ATG2B: variants seen among roughly 807,000 people sequenced by gnomAD.
ATG2B encodes autophagy-related protein 2 homolog B.
A neutral mutation model predicts 241.3 loss-of-function variants in ATG2B; 121 were observed. The observed-to-expected ratio is 0.50, with a 90% CI of 0.43 to 0.58. ATG2B has a LOEUF of 0.58. Among genes scored for constraint, ATG2B ranks in the 20% least tolerant of loss-of-function variants. The pLI, the probability that ATG2B is intolerant of heterozygous loss-of-function variation, is 0.00. For synonymous variants in ATG2B, 858 were observed against 876.6 expected (o/e 0.98, Z 0.37); for missense variants, 2,306 against 2,491.6 (o/e 0.93, Z 1.59).
At chr14:96,340,487 T>C (rs1289436397) in intron 6 of ATG2B, among the ~76,000 whole-genome samples, 2 of 151,766 alleles carry the variant, frequency 1.3e-5, no homozygotes, top group Admixed American at 1.3e-4. Context: ...AGGCAGGAGC[T>C]AAAAAAGGGG....
chr14:96,361,038 C>G (rs1321898104), intron 1 of ATG2B, among the ~76,000 whole-genome samples: 1 of 151,258 alleles, frequency 6.6e-6, no homozygotes, highest in African/African-American at 2.4e-5. Flanking sequence ...TCCTAACCAT[C>G]AACACAGCAC....
rs1164628289 is a variant in ATG2B at position 96,326,015 on chromosome 14, T to C, written c.2164-93A>G. On this transcript the variant is annotated intron_variant, in intron 14 of 41. Transcript: ENST00000359933. ...AACATTACAATATGTATAATCACTA[T>C]CTCCCCATTTGGTATAATGCATTAA... 1.1e-5 allele frequency: 13 copies of C among 1,232,432 alleles called. 1 individual carries two copies. The highest frequency in any genetic ancestry group is 1.5e-5 in the African/African-American group (1 of 65,748). The allele number at this position is 1,232,432 out of a possible 1,614,324, so 76.3% of individuals were successfully genotyped here.
chr14:96,289,530 G>A lies in ATG2B; in HGVS notation c.6006+126C>T. On this transcript the variant is annotated intron_variant, in intron 41 of 41. Coordinates refer to ENST00000359933, the MANE Select transcript of ATG2B (RefSeq NM_018036.7). The surrounding 1 kb of genome is among the most constrained non-coding windows in gnomAD (Gnocchi z 4.3). The stretch of plus-strand genomic sequence containing the variant: ...ACACAGATATGGGCACATGTTATTA[G>A]TGGCAGTTGCCATTCTGCTCCCAGG... 7.9e-6 allele frequency: 9 copies of A among 1,138,216 alleles called. No homozygotes were observed. Among genetic ancestry groups the A allele is most frequent in the Non-Finnish European group, 1.1e-5 (9 of 793,260 alleles). The allele number at this position is 1,138,216 out of a possible 1,614,324, so 70.5% of individuals were successfully genotyped here. A position where few individuals can be genotyped will look rare whatever the true frequency, so the allele number is the denominator to read the frequency against.
At chr14:96,333,580 T>C (rs901531971) in intron 8 of ATG2B, 108 bp downstream of exon 8, 10 of 1,025,834 alleles carry the variant, frequency 9.7e-6, no homozygotes, top group Non-Finnish European at 1.3e-5. Context: ...AATGTGGATC[T>C]TTTTGTTCTT....
At position 96,284,663 on chromosome 14, in the gene ATG2B, A is replaced by T. The variant is rs568455939; in HGVS notation, c.*1092T>A. The T allele has an allele frequency of 6.6e-6, 1 of 152,286 alleles. No homozygotes were observed. Among genetic ancestry groups the T allele is most frequent in the South Asian group, 2.1e-4 (1 of 4,824 alleles). 9.4% of individuals were successfully genotyped at this position (152,286 alleles called of 1,614,324 possible). On this transcript the variant is annotated 3_prime_UTR_variant, in exon 42 of 42. Transcript: ENST00000359933. The stretch of plus-strand genomic sequence containing the variant: ...AAATCGATTTTGAGAAAGTGTTCCC[A>T]ATTATCTTGTGGTAAATCACAGTAC...
At chr14:96,313,652 G>A (rs188465402) in intron 23 of ATG2B, among the ~76,000 whole-genome samples, 111 of 151,188 alleles carry the variant, frequency 7.3e-4, no homozygotes, top group Admixed American at 1.9e-3. Flanking sequence ...GGATGTGTTC[G>A]TTTGACTACA....
At chr14:96,344,589 C>A in intron 4 of ATG2B, 65 bp downstream of exon 4, 1 of 845,700 alleles carries the variant, frequency 1.2e-6, no homozygotes, top group Non-Finnish European at 1.8e-6. Context: ...TCTCCAAAAC[C>A]TCCCTGAAAA....
rs1595290822 is a variant in ATG2B, at chr14:96,290,074, A to C, written c.5857-269T>G. The C allele has an allele frequency of 5.0e-6, 6 of 1,189,462 alleles. No individual in the cohort carries two copies. Among genetic ancestry groups the C allele is most frequent in the Admixed American group, 3.6e-5 (1 of 27,732 alleles). 73.7% of individuals were successfully genotyped at this position (1,189,462 alleles called of 1,614,324 possible). A position where few individuals can be genotyped will look rare whatever the true frequency, so the allele number is the denominator to read the frequency against. ...TGAGAACACTCAACATTTCCACATC[A>C]GTCTATGGAGCTTAATACTTACTAG... On this transcript the variant is annotated intron_variant, in intron 40 of 41. Coordinates refer to ENST00000359933, the MANE Select transcript of ATG2B (RefSeq NM_018036.7). The surrounding 1 kb of genome is among the most constrained non-coding windows in gnomAD (Gnocchi z 4.4).
Position 96,295,159 on chromosome 14 carries a change from A to G in ATG2B, c.5227T>C (p.Ser1743Pro). The G allele has an allele frequency of 6.2e-7, 1 of 1,613,516 alleles. No individual in the cohort carries two copies. Among genetic ancestry groups the G allele is most frequent in the Non-Finnish European group, 8.5e-7 (1 of 1,179,724 alleles). Residue 1743 changes from serine to proline, a missense_variant, in exon 36 of 42, where the codon TCT becomes CCT. By Grantham distance (74) the Ser-to-Pro change is moderately conservative. Coordinates refer to ENST00000359933, the MANE Select transcript of ATG2B (RefSeq NM_018036.7). ...CTGCAGGTGACATCAGCTCCAGGAG[A>G]CTTTTTAACTGAAAATGTAATGTGC... Reference protein sequence around the residue: ...QMTPDPEVKKSPGADVTCSLP... With the variant: ...QMTPDPEVKKPPGADVTCSLP...
rs1887732961 is a variant in ATG2B at position 96,331,534 on chromosome 14, T to C, written c.1572A>G (p.Leu524=). The C allele has an allele frequency of 1.9e-6, 3 of 1,614,078 alleles. No individual in the cohort carries two copies. Among genetic ancestry groups the C allele is most frequent in the South Asian group, 2.2e-5 (2 of 91,072 alleles). ...GGTTCTGTGACGTTTCAGGTGGAGATAAAGGATCAATGTGAAGCACAGAGA... is the reference window on the plus strand; with the variant it reads ...GGTTCTGTGACGTTTCAGGTGGAGACAAAGGATCAATGTGAAGCACAGAGA... ...FSISVLHIDP[L]SPPETSQNLN... The change falls in exon 11 of 42, where the codon TTA becomes TTG. Residue 524 remains leucine, a synonymous_variant. Coordinates refer to ENST00000359933, the MANE Select transcript of ATG2B (RefSeq NM_018036.7).
chr14:96,362,222 G>C (rs1888660546), intron 1 of ATG2B, among the ~76,000 whole-genome samples: 1 of 152,142 alleles, frequency 6.6e-6, no homozygotes, highest in South Asian at 2.1e-4. Context: ...ACTAGGGCCA[G>C]ACGACCATTC....
chr14:96,304,579 G>A lies in ATG2B; in HGVS notation c.4758C>T (p.His1586=), dbSNP rs547768104. ...TATTACGTCCATGTCTCGTGGGTGT[G>A]TGAGAAGGCGAACTGTGGGGACTAC... is the stretch of plus-strand genomic sequence containing the variant. The part of the protein sequence containing the change: ...SYISPHSSPS[H]TPTRHGRNTV... Residue 1586 remains histidine, a synonymous_variant, in exon 32 of 42, where the codon CAC becomes CAT. Transcript: ENST00000359933. 3.1e-6 allele frequency: 5 copies of A among 1,603,740 alleles called. No homozygotes were observed. The highest frequency in any genetic ancestry group is 3.4e-5 in the Admixed American group (2 of 59,558).
intron 12 of ATG2B, among the ~76,000 whole-genome samples, chr14:96,329,277 CTAATT>C (rs1887667161): frequency 2.0e-5 from 3 of 152,140 alleles, no homozygotes. Context: ...CAAGTCAACT[CTAATT>C]TAAAATTCTA....
Position 96,337,758 on chromosome 14 carries a change from G to A in ATG2B, c.925-3257C>T, listed in dbSNP as rs191754163. ...TGTTTAGTATTGTTTTGGCTGTGGT[G>A]GGCTCTTCTCTGGTTCCATATGAAT... On this transcript the variant is annotated intron_variant, in intron 6 of 41. Transcript: ENST00000359933. Among the ~76,000 whole-genome samples the A allele has an allele frequency of 9.9e-5, 15 of 152,036 alleles. No homozygotes were observed. In the East Asian group the frequency reaches 2.9e-3, roughly 29 times the overall value.
At chr14:96,308,257 C>CATATATATATAT (rs1229180497) in intron 29 of ATG2B, among the ~76,000 whole-genome samples, 3 of 33,724 alleles carry the variant, frequency 8.9e-5, no homozygotes, top group Admixed American at 4.7e-4. Context: ...TATATACACA[C>CATATATATATAT]ATATATATAT....
intron 41 of ATG2B, among the ~76,000 whole-genome samples, chr14:96,287,013 T>C (rs1017766526): frequency 6.6e-6 from 1 of 152,074 alleles, no homozygotes; most frequent in Non-Finnish European, 1.5e-5. Flanking sequence ...CTCAGCACTT[T>C]AGGAGGCCGA....
intron 1 of ATG2B, among the ~76,000 whole-genome samples, chr14:96,353,748 A>T (rs1017624000): frequency 6.6e-6 from 1 of 151,804 alleles, no homozygotes; most frequent in African/African-American, 2.4e-5. Flanking sequence ...ATTTAATATA[A>T]ACAATTTCAA....
chr14:96,353,253 C>G (rs1158940686), intron 1 of ATG2B, among the ~76,000 whole-genome samples: 2 of 152,164 alleles, frequency 1.3e-5, no homozygotes, highest in African/African-American at 4.8e-5. Context: ...GAACATATCC[C>G]TGTCGTTAAG....
At chr14:96,340,131 CATATATGAT>C (rs1887984927) in intron 6 of ATG2B, among the ~76,000 whole-genome samples, 1 of 24,104 alleles carries the variant, frequency 4.1e-5, no homozygotes, top group South Asian at 1.4e-3. Context: ...ATATATATAT[CATATATGAT>C]ATATATGAAT....
Sources: gnomAD v4.1 joint callset for allele counts (sites outside exome capture counted in the v4.1 genomes callset) on GRCh38, gnomAD v4.1.1 for gene constraint, Gnocchi (gnomAD v3.1) non-coding constraint, MANE v1.5 for transcripts, NCBI Gene and HGNC (gene_info 2026-07-23, HGNC 2026-07-21) for gene names.